The following SLC25A17 variants were observed in gnomAD, a reference collection of about 807,000 sequenced individuals.
SLC25A17 encodes peroxisomal membrane protein PMP34.
Under a neutral mutation model 38.5 loss-of-function variants are expected in SLC25A17, and 26 were observed. That is an observed-to-expected ratio of 0.68 (90% CI 0.50 to 0.94). SLC25A17 has a LOEUF of 0.94. Ranked by LOEUF, SLC25A17 falls within the 40% of genes least tolerant of loss-of-function variation. SLC25A17 has a pLI of 0.00. For synonymous variants in SLC25A17, 139 were observed against 136.2 expected, an observed-to-expected ratio of 1.02 and a Z score of -0.14; for missense variants, 333 against 372.7, an observed-to-expected ratio of 0.89 and a Z score of 0.88.
In SLC25A17 at chr22:40,819,204, G is replaced by A; in HGVS notation, c.45C>T (p.Ala15=). 6.2e-7 allele frequency: 1 copy of A among 1,613,562 alleles called. No individual in the cohort carries two copies. The highest frequency in any genetic ancestry group is 8.5e-7 in the Non-Finnish European group (1 of 1,179,996). Reference sequence around the variant, plus strand: ...AAAGACCCCGTCTCACCACGGCTCCGGCCACGGCGTGGACCAGGCTTTCGT... The same window carrying A: ...AAAGACCCCGTCTCACCACGGCTCCAGCCACGGCGTGGACCAGGCTTTCGT... ...LSYESLVHAV[A]GAVGSVTAMT... is the part of the protein sequence containing the mutation. Residue 15 remains alanine, a synonymous_variant, in exon 1 of 9, where the codon GCC becomes GCT. Coordinates refer to ENST00000435456, the MANE Select transcript of SLC25A17 (RefSeq NM_006358.4).
intron 1 of SLC25A17, among the ~76,000 whole-genome samples, chr22:40,801,055 G>C (rs200130265): frequency 6.8e-6 from 1 of 148,042 alleles, no homozygotes; most frequent in East Asian, 2.0e-4. Context: ...AGTGAGCCGC[G>C]ATCATGCCAC....
intron 4 of SLC25A17, 115 bp downstream of exon 4, chr22:40,792,410 G>T: frequency 1.0e-5 from 8 of 780,340 alleles, no homozygotes; most frequent in Admixed American, 3.5e-5. Flanking sequence ...AAAAAACCAA[G>T]TTGGAAAACT....
chr22:40,809,106 CT>C (rs976946812), intron 1 of SLC25A17, among the ~76,000 whole-genome samples: 1,672 of 145,228 alleles, frequency 0.012, 24 homozygotes, highest in African/African-American at 0.039. Flanking sequence ...TGTATTTTAC[CT>C]TTTTTTTTTT....
At chr22:40,798,660 TAAAAAAAA>T (rs10640211) in intron 2 of SLC25A17, among the ~76,000 whole-genome samples, 1 of 74,378 alleles carries the variant, frequency 1.3e-5, no homozygotes, top group South Asian at 6.0e-4. Flanking sequence ...CACACATACA[TAAAAAAAA>T]AAAAAAAAAA....
At position 40,814,818 on chromosome 22, in the gene SLC25A17, TTTTGG is replaced by T. The variant is rs1417630266; in HGVS notation, c.54+4372_54+4376del. Among the ~76,000 whole-genome samples, 5 of 149,264 alleles carry T rather than the reference TTTTGG, an allele frequency of 3.3e-5. No individual in the cohort carries two copies. The East Asian group carries it at 9.8e-4, about 29-fold the overall frequency. ...TTGTTGTTGTTGTTGTTTTGTTTTG[TTTTGG>T]TTTTTTTTGTTTTTGAGACGGAGTC... On this transcript the variant is annotated intron_variant, in intron 1 of 8. Transcript: ENST00000435456.
chr22:40,818,880 G>A (rs541046411), intron 1 of SLC25A17, among the ~76,000 whole-genome samples: 1 of 152,160 alleles, frequency 6.6e-6, no homozygotes, highest in Non-Finnish European at 1.5e-5. Context: ...GTAAAGCAAA[G>A]TGTGTGAGTG....
Position 40,770,725 on chromosome 22 carries a change from G to A in SLC25A17, c.*109C>T. 1.7e-6 allele frequency: 2 copies of A among 1,208,986 alleles called. No individual in the cohort carries two copies. Among genetic ancestry groups the A allele is most frequent in the Non-Finnish European group, 2.3e-6 (2 of 880,402 alleles). The allele number at this position is 1,208,986 out of a possible 1,614,324, so 74.9% of individuals were successfully genotyped here. A position where few individuals can be genotyped will look rare whatever the true frequency, so the allele number is the denominator to read the frequency against. ...CCTTGGATGCTTTTCAAGCCAATGA[G>A]GGTAACATTTGTGGTGGCAGGAGCC... On this transcript the variant is annotated 3_prime_UTR_variant, in exon 9 of 9. Coordinates refer to ENST00000435456, the MANE Select transcript of SLC25A17 (RefSeq NM_006358.4).
chr22:40,777,404 C>T (rs2057256000), intron 5 of SLC25A17, 31 bp from the exon 6 acceptor site: 1 of 1,599,050 alleles, frequency 6.3e-7, no homozygotes, highest in East Asian at 2.2e-5. Flanking sequence ...TTTTGAAAAG[C>T]ATGATCACAA....
rs549405519 is a variant in SLC25A17 at position 40,788,182 on chromosome 22, T to A, written c.334+4343A>T. Among the ~76,000 whole-genome samples, 5 of 152,360 alleles carry A rather than the reference T, an allele frequency of 3.3e-5. No homozygotes were observed. The East Asian group carries it at 7.7e-4, about 23-fold the overall frequency. On this transcript the variant is annotated intron_variant, in intron 4 of 8. Transcript: ENST00000435456. Reference sequence around the variant, plus strand: ...AACTAGTGACTTGCCTTTTTACCCATACTTATACGCATGTAATACCTTCCT... The same window carrying A: ...AACTAGTGACTTGCCTTTTTACCCAAACTTATACGCATGTAATACCTTCCT...
intron 8 of SLC25A17, among the ~76,000 whole-genome samples, chr22:40,771,265 A>G (rs545475248): frequency 1.3e-5 from 2 of 151,968 alleles, no homozygotes; most frequent in Non-Finnish European, 2.9e-5. Context: ...CCGCCACGAC[A>G]CCAGGCTAAT....
At chr22:40,775,436 GTTTTTTTTTTTTTTT>G (rs71200615) in intron 7 of SLC25A17, among the ~76,000 whole-genome samples, 52 of 86,846 alleles carry the variant, frequency 6.0e-4, no homozygotes, top group Admixed American at 1.0e-3. Flanking sequence ...AGATCTGATG[GTTTTTTTTTTTTTTT>G]TTTTTTTTTT....
intron 1 of SLC25A17, among the ~76,000 whole-genome samples, chr22:40,801,197 C>T (rs1342193249): frequency 1.5e-5 from 2 of 135,686 alleles, no homozygotes; most frequent in Non-Finnish European, 3.1e-5. Context: ...GGAGCTAGGT[C>T]AACTTAAATA....
chr22:40,794,627 A>ATT, intron 2 of SLC25A17, 47 bp from the exon 3 acceptor site: 13 of 1,198,506 alleles, frequency 1.1e-5, no homozygotes, highest in Non-Finnish European at 1.5e-5. Context: ...TAAAAAAAAA[A>ATT]TTTTTTTTTT....
intron 4 of SLC25A17, among the ~76,000 whole-genome samples, chr22:40,783,692 A>G (rs994484395): frequency 1.3e-5 from 2 of 151,848 alleles, no homozygotes. Context: ...ACACCATACT[A>G]TCTAAAATGG....
At chr22:40,811,652 G>T (rs1429195143) in intron 1 of SLC25A17, among the ~76,000 whole-genome samples, 3 of 152,050 alleles carry the variant, frequency 2.0e-5, no homozygotes, top group Non-Finnish European at 4.4e-5. Flanking sequence ...GGTGAAAGGG[G>T]AACAGGTATG....
chr22:40,786,793 A>C (rs1194486828), intron 4 of SLC25A17, among the ~76,000 whole-genome samples: 3 of 152,212 alleles, frequency 2.0e-5, no homozygotes, highest in Admixed American at 2.0e-4. Context: ...GTGGGGTCAG[A>C]GAGAAGAAGA....
chr22:40,816,609 G>T (rs1405871659), intron 1 of SLC25A17, among the ~76,000 whole-genome samples: 10 of 137,960 alleles, frequency 7.2e-5, no homozygotes, highest in Non-Finnish European at 1.2e-4. Context: ...ATTTTTTATT[G>T]TTTTTTTTTT....
At chr22:40,795,500 C>T (rs752358982) in intron 2 of SLC25A17, among the ~76,000 whole-genome samples, 3 of 151,740 alleles carry the variant, frequency 2.0e-5, no homozygotes, top group Non-Finnish European at 4.4e-5. Context: ...CACTGTTAGC[C>T]AGGATGGTCT....
At chr22:40,774,486 A>T (rs890853447) in intron 7 of SLC25A17, among the ~76,000 whole-genome samples, 2 of 152,232 alleles carry the variant, frequency 1.3e-5, no homozygotes, top group Non-Finnish European at 2.9e-5. Context: ...GGCCTCCCGA[A>T]GTTCTGGGAT....
Sources: gnomAD v4.1 joint callset for allele counts (sites outside exome capture counted in the v4.1 genomes callset) on GRCh38, gnomAD v4.1.1 for gene constraint, MANE v1.5 for transcripts, NCBI Gene and HGNC (gene_info 2026-07-23, HGNC 2026-07-21) for gene names.